ERC2: variants seen among roughly 807,000 people sequenced by gnomAD.
ERC2 encodes ERC protein 2.
A neutral mutation model predicts 114.8 loss-of-function variants in ERC2; 42 were observed. That is an observed-to-expected ratio of 0.37 (90% CI 0.29 to 0.47). ERC2 has a LOEUF of 0.47. Ranked by LOEUF, ERC2 falls within the 20% of genes least tolerant of loss-of-function variation. ERC2 has a pLI of 0.99. For synonymous variants in ERC2, 454 were observed against 425.5 expected (o/e 1.07, Z -0.82); for missense variants, 939 against 1,150.7 (o/e 0.82, Z 2.66).
chr3:56,348,177 C>A (rs1447598116), intron 2 of ERC2, among the ~76,000 whole-genome samples: 3 of 152,136 alleles, frequency 2.0e-5, no homozygotes, highest in Non-Finnish European at 4.4e-5. Context: ...CTCTTCCTTT[C>A]CTTCTAATTC....
At chr3:55,839,794 A>G (rs1163166729) in intron 14 of ERC2, among the ~76,000 whole-genome samples, 2 of 151,974 alleles carry the variant, frequency 1.3e-5, no homozygotes, top group Non-Finnish European at 2.9e-5. Flanking sequence ...AAGATGGGGC[A>G]AATAAAAACA....
chr3:56,162,313 A>G (rs112821611), intron 4 of ERC2, among the ~76,000 whole-genome samples: 146 of 152,244 alleles, frequency 9.6e-4, no homozygotes, highest in Non-Finnish European at 1.5e-3. Flanking sequence ...TTGCATCTAC[A>G]TTCATCAGGG....
At chr3:56,340,141 A>T (rs1243305267) in intron 2 of ERC2, among the ~76,000 whole-genome samples, 1 of 152,212 alleles carries the variant, frequency 6.6e-6, no homozygotes, top group Non-Finnish European at 1.5e-5. Flanking sequence ...AAAATAAGTT[A>T]ACATGGATTT....
At chr3:55,764,460 TC>T (rs2067645569) in intron 14 of ERC2, among the ~76,000 whole-genome samples, 1 of 152,176 alleles carries the variant, frequency 6.6e-6, no homozygotes, top group African/African-American at 2.4e-5. Flanking sequence ...CAGTCCCCAG[TC>T]CCCAGCCCAG....
chr3:55,994,357 T>C (rs138468354), intron 10 of ERC2, among the ~76,000 whole-genome samples: 7 of 152,224 alleles, frequency 4.6e-5, no homozygotes, highest in Admixed American at 2.6e-4. Context: ...CTTATTTTGG[T>C]TGTTTTTCTT....
chr3:55,545,073 T>C (rs1014283404), intron 17 of ERC2, among the ~76,000 whole-genome samples: 2 of 152,236 alleles, frequency 1.3e-5, no homozygotes, highest in Non-Finnish European at 2.9e-5. Flanking sequence ...TTCCTGGCTG[T>C]ATAAGTGCTT....
At chr3:55,716,774 T>C (rs35018719) in intron 15 of ERC2, among the ~76,000 whole-genome samples, 1 of 152,214 alleles carries the variant, frequency 6.6e-6, no homozygotes. Context: ...CACAGTCCTA[T>C]ACCAGTCTCC....
At chr3:56,219,969 GA>G (rs558445235) in intron 3 of ERC2, among the ~76,000 whole-genome samples, 137 of 152,306 alleles carry the variant, frequency 9.0e-4, no homozygotes, top group African/African-American at 3.2e-3. Context: ...GAAAATTGCG[GA>G]AAGTGCATTG....
chr3:56,002,348 T>A (rs189262767), intron 10 of ERC2, among the ~76,000 whole-genome samples: 1 of 152,260 alleles, frequency 6.6e-6, no homozygotes, highest in East Asian at 1.9e-4. Flanking sequence ...ACTCTAGCCA[T>A]CTTTATGAAG....
intron 9 of ERC2, 149 bp from the exon 10 acceptor site, chr3:56,007,470 T>A: frequency 1.3e-6 from 1 of 755,022 alleles, no homozygotes; most frequent in Non-Finnish European, 2.0e-6. Context: ...AATAGTCAGC[T>A]CTGGTCAGGA....
At chr3:55,757,817 C>A (rs2067156879) in intron 14 of ERC2, among the ~76,000 whole-genome samples, 1 of 151,928 alleles carries the variant, frequency 6.6e-6, no homozygotes, top group African/African-American at 2.4e-5. Context: ...GAAATGTAAT[C>A]AAAATTCTTA....
intron 1 of ERC2, among the ~76,000 whole-genome samples, chr3:56,458,663 C>T (rs2063173845): frequency 1.3e-5 from 2 of 152,118 alleles, no homozygotes; most frequent in Non-Finnish European, 2.9e-5. Context: ...GCTGTTATCC[C>T]ACTCACTACC....
chr3:55,902,547 C>A (rs1056799178), intron 13 of ERC2, among the ~76,000 whole-genome samples: 4 of 152,148 alleles, frequency 2.6e-5, no homozygotes, highest in Non-Finnish European at 5.9e-5. Context: ...CAAGGCTGAC[C>A]GACAGAACTT....
chr3:56,031,065 C>T (rs564851959), intron 7 of ERC2, among the ~76,000 whole-genome samples: 1 of 152,194 alleles, frequency 6.6e-6, no homozygotes, highest in African/African-American at 2.4e-5. Flanking sequence ...AGCTTTAACA[C>T]TTTCCAGTGA....
chr3:55,944,920 C>A (rs1452802740), intron 13 of ERC2, among the ~76,000 whole-genome samples: 1 of 152,194 alleles, frequency 6.6e-6, no homozygotes. Context: ...GAGTATTTCT[C>A]TTCGTCTGAA....
intron 17 of ERC2, among the ~76,000 whole-genome samples, chr3:55,670,114 T>C (rs1293634658): frequency 6.6e-6 from 1 of 152,188 alleles, no homozygotes. Context: ...GAGGAAAATG[T>C]AAGAAATCGC....
intron 17 of ERC2, among the ~76,000 whole-genome samples, chr3:55,587,180 T>C (rs752576020): frequency 7.2e-5 from 11 of 152,152 alleles, no homozygotes; most frequent in Non-Finnish European, 1.2e-4. Flanking sequence ...CTTTCTTTCG[T>C]TTTGCTCTTG....
intron 3 of ERC2, among the ~76,000 whole-genome samples, chr3:56,270,859 G>A (rs994054631): frequency 2.0e-5 from 3 of 152,120 alleles, no homozygotes; most frequent in South Asian, 2.1e-4. Flanking sequence ...GCGGGTGCCC[G>A]TAGTCACAGC....
At chr3:56,090,610 G>T (rs528765195) in intron 6 of ERC2, among the ~76,000 whole-genome samples, 1 of 151,052 alleles carries the variant, frequency 6.6e-6, no homozygotes, top group African/African-American at 2.4e-5. Flanking sequence ...TAAAAGCCTT[G>T]TAATACTAAA....
Sources: allele counts gnomAD v4.1 joint callset (sites outside exome capture counted in the v4.1 genomes callset), GRCh38; gene constraint gnomAD v4.1.1; transcripts MANE v1.5; gene names NCBI Gene and HGNC (gene_info 2026-07-23, HGNC 2026-07-21).